UROS: variants seen among roughly 807,000 people sequenced by gnomAD.
UROS encodes the protein uroporphyrinogen III synthase, also known as uroporphyrinogen-III synthase.
UROS carries 18 observed loss-of-function variants against 33.0 expected under a neutral mutation model. The ratio of observed to expected loss-of-function variants is 0.55; its 90% CI spans 0.38 to 0.81. The LOEUF (loss-of-function observed/expected upper bound fraction) is 0.81. UROS is among the 30% of genes least tolerant of loss of function. UROS has a pLI of 0.00. For synonymous variants in UROS, 114 were observed against 121.1 expected, an observed-to-expected ratio of 0.94 and a Z score of 0.38; for missense variants, 293 against 314.9, an observed-to-expected ratio of 0.93 and a Z score of 0.53.
chr10:125,797,654 G>A (rs1034468533), intron 7 of UROS, among the ~76,000 whole-genome samples: 3 of 152,194 alleles, frequency 2.0e-5, no homozygotes, highest in African/African-American at 7.2e-5. Flanking sequence ...GGAGGGGCAG[G>A]TGGAGCTTGT....
intron 6 of UROS, among the ~76,000 whole-genome samples, chr10:125,800,417 A>G (rs190013478): frequency 1.3e-5 from 2 of 152,266 alleles, no homozygotes; most frequent in East Asian, 3.9e-4. Flanking sequence ...TGCTGGGGGA[A>G]CGGGGCGGAG....
chr10:125,820,547 A>G (rs1019240474), intron 1 of UROS, among the ~76,000 whole-genome samples: 1 of 152,212 alleles, frequency 6.6e-6, no homozygotes, highest in African/African-American at 2.4e-5. Context: ...ACACACCAAG[A>G]AATAATGTTT....
intron 7 of UROS, chr10:125,796,753 G>A: frequency 2.0e-6 from 2 of 978,526 alleles, no homozygotes; most frequent in Non-Finnish European, 2.4e-6. Context: ...GGGTTTTCAG[G>A]GCTGGTGATG....
At chr10:125,801,144 T>A (rs1002465503) in intron 6 of UROS, among the ~76,000 whole-genome samples, 1 of 152,130 alleles carries the variant, frequency 6.6e-6, no homozygotes, top group African/African-American at 2.4e-5. Flanking sequence ...GCCTGAGTGC[T>A]GATAATAAGG....
At chr10:125,812,065 T>C in intron 5 of UROS, 149 bp downstream of exon 5, 1 of 692,420 alleles carries the variant, frequency 1.4e-6, no homozygotes, top group East Asian at 2.7e-5. Flanking sequence ...TTTGTTTCAC[T>C]GCATTCTTAT....
At chr10:125,820,010 C>A (rs903539313) in intron 1 of UROS, among the ~76,000 whole-genome samples, 8 of 152,106 alleles carry the variant, frequency 5.3e-5, no homozygotes, top group African/African-American at 1.9e-4. Context: ...GGGCACCTTA[C>A]TGGTAAGAAA....
chr10:125,819,398 G>A (rs1305175862), intron 1 of UROS, among the ~76,000 whole-genome samples: 1 of 152,150 alleles, frequency 6.6e-6, no homozygotes, highest in Admixed American at 6.6e-5. Context: ...GTTGCTGCAG[G>A]TGTCTACTGA....
intron 6 of UROS, chr10:125,803,081 C>A (rs1851977137): frequency 6.2e-7 from 1 of 1,611,690 alleles, no homozygotes. Context: ...TTTAGAAGCA[C>A]ACAGAGCAAG....
intron 7 of UROS, 102 bp downstream of exon 7, chr10:125,797,963 T>C: frequency 7.2e-7 from 1 of 1,388,630 alleles, no homozygotes; most frequent in Non-Finnish European, 1.0e-6. Flanking sequence ...CCAGCCCTGC[T>C]CTCCCTTGTG....
intron 7 of UROS, among the ~76,000 whole-genome samples, chr10:125,797,637 T>G (rs1250985740): frequency 6.6e-6 from 1 of 152,076 alleles, no homozygotes; most frequent in Non-Finnish European, 1.5e-5. Flanking sequence ...CCACGGCAGG[T>G]GGAGCTGGAG....
At chr10:125,816,314 G>C (rs1334311528) in intron 2 of UROS, 54 bp from the exon 3 acceptor site, 3 of 1,601,034 alleles carry the variant, frequency 1.9e-6, no homozygotes, top group Non-Finnish European at 2.6e-6. Context: ...TAAAATAAGG[G>C]AACATTAACA....
downstream of UROS, among the ~76,000 whole-genome samples, chr10:125,787,105 T>TA (rs367819218): frequency 1.3e-4 from 20 of 152,240 alleles, no homozygotes; most frequent in African/African-American, 3.6e-4. Flanking sequence ...CCAGAACTGT[T>TA]AATAGCCTCA....
At chr10:125,796,898 A>G (rs902332497) in intron 7 of UROS, 6 of 981,550 alleles carry the variant, frequency 6.1e-6, no homozygotes, top group Non-Finnish European at 7.3e-6. Context: ...AGAAGAAATG[A>G]TAACTTCAGC....
At chr10:125,805,402 G>C (rs1371926720) in intron 6 of UROS, among the ~76,000 whole-genome samples, 1 of 152,216 alleles carries the variant, frequency 6.6e-6, no homozygotes, top group Non-Finnish European at 1.5e-5. Flanking sequence ...ACAGGCCATG[G>C]GATGAGCAGT....
chr10:125,816,815 G>T lies in UROS; in HGVS notation c.-26-290C>A, dbSNP rs532297631. 3.3e-4 allele frequency among the ~76,000 whole-genome samples: 51 copies of T among 152,344 alleles called. No individual in the cohort carries two copies. The South Asian group carries it at 7.0e-3, about 21-fold the overall frequency. ...CGTTTATGGTTCCGGAAAGAGAACTGATGTAAATTTAGGGTTGTATCAACA... is the reference window on the plus strand; with the variant it reads ...CGTTTATGGTTCCGGAAAGAGAACTTATGTAAATTTAGGGTTGTATCAACA... On this transcript the variant is annotated intron_variant, in intron 1 of 9. Coordinates refer to ENST00000368797, the MANE Select transcript of UROS (RefSeq NM_000375.3).
chr10:125,805,649 C>T (rs771088455), intron 6 of UROS, among the ~76,000 whole-genome samples: 2 of 152,172 alleles, frequency 1.3e-5, no homozygotes, highest in Non-Finnish European at 2.9e-5. Flanking sequence ...TATTTAATTT[C>T]AATTAATTTA....
At chr10:125,799,702 C>T (rs1686489682) in intron 6 of UROS, among the ~76,000 whole-genome samples, 1 of 152,154 alleles carries the variant, frequency 6.6e-6, no homozygotes, top group Non-Finnish European at 1.5e-5. Context: ...CTTGGCTCTG[C>T]AGGCACACAG....
At chr10:125,816,654 A>G in intron 1 of UROS, 129 bp from the exon 2 acceptor site, 1 of 855,054 alleles carries the variant, frequency 1.2e-6, no homozygotes, top group Non-Finnish European at 1.9e-6. Context: ...CTCCTACACC[A>G]TGACTTAGCA....
rs1590029184 is a variant in UROS at position 125,821,096 on chromosome 10, A to T, written c.-27+1933T>A. On this transcript the variant is annotated intron_variant, in intron 1 of 9. Coordinates refer to ENST00000368797, the MANE Select transcript of UROS (RefSeq NM_000375.3). The stretch of plus-strand genomic sequence containing the variant: ...AAAAGTATAGTTCCTCAAAAAAATA[A>T]ACATAGAATTACCATATGATCTAGC... Among the ~76,000 whole-genome samples, 3 of 152,328 alleles carry T rather than the reference A, an allele frequency of 2.0e-5. No individual in the cohort carries two copies. The East Asian group carries it at 5.8e-4, about 29-fold the overall frequency.
Sources: gnomAD v4.1 joint callset for allele counts (sites outside exome capture counted in the v4.1 genomes callset) on GRCh38, gnomAD v4.1.1 for gene constraint, MANE v1.5 for transcripts, NCBI Gene and HGNC (gene_info 2026-07-23, HGNC 2026-07-21) for gene names.